Variants in EVI5 observed in about 807,000 individuals in gnomAD.
EVI5 encodes ecotropic viral integration site 5 protein homolog.
EVI5 carries 73 observed loss-of-function variants against 112.0 expected under a neutral mutation model. The observed-to-expected ratio is 0.65, with a 90% CI of 0.54 to 0.79. EVI5 has a LOEUF of 0.79. EVI5 is among the 30% of genes least tolerant of loss of function. The pLI, the probability that EVI5 is intolerant of heterozygous loss-of-function variation, is 0.00. For synonymous variants in EVI5, 305 were observed against 319.9 expected (o/e 0.95, Z 0.50); for missense variants, 900 against 968.8 (o/e 0.93, Z 0.94).
chr1:92,584,371 C>G (rs1557839086), intron 18 of EVI5, among the ~76,000 whole-genome samples: 1 of 151,958 alleles, frequency 6.6e-6, no homozygotes. Flanking sequence ...TTGATATTTT[C>G]AACGCACATA....
chr1:92,633,442 C>G (rs1299291189), intron 14 of EVI5, among the ~76,000 whole-genome samples: 1 of 152,126 alleles, frequency 6.6e-6, no homozygotes, highest in Non-Finnish European at 1.5e-5. Context: ...TTCTTTGTCT[C>G]TTTTGATCTT....
chr1:92,609,855 C>T (rs1007576310), intron 16 of EVI5, among the ~76,000 whole-genome samples: 2 of 150,100 alleles, frequency 1.3e-5, no homozygotes, highest in African/African-American at 4.9e-5. Flanking sequence ...ATACTCTAGT[C>T]GTTCTCATTC....
chr1:92,538,599 C>T (rs1465899400), intron 19 of EVI5, among the ~76,000 whole-genome samples: 1 of 152,094 alleles, frequency 6.6e-6, no homozygotes, highest in Non-Finnish European at 1.5e-5. Context: ...AGACAAATGA[C>T]AAGGCTCCTG....
intron 16 of EVI5, among the ~76,000 whole-genome samples, chr1:92,612,141 G>T (rs1447377696): frequency 6.6e-6 from 1 of 152,020 alleles, no homozygotes; most frequent in Non-Finnish European, 1.5e-5. Flanking sequence ...TGATGACTAA[G>T]TTTAGACTTT....
At chr1:92,783,808 CAAA>C (rs58484805) in intron 1 of EVI5, among the ~76,000 whole-genome samples, 6 of 94,264 alleles carry the variant, frequency 6.4e-5, no homozygotes, top group Admixed American at 2.3e-4. Flanking sequence ...GACTCCCTGT[CAAA>C]AAAAAAAAAA....
At chr1:92,773,541 C>G (rs1294108739) in intron 1 of EVI5, among the ~76,000 whole-genome samples, 1 of 152,014 alleles carries the variant, frequency 6.6e-6, no homozygotes, top group African/African-American at 2.4e-5. Context: ...ACTTAGAAAG[C>G]TGAGGCAGGA....
intron 18 of EVI5, among the ~76,000 whole-genome samples, chr1:92,573,784 T>C (rs534109003): frequency 6.6e-6 from 1 of 152,220 alleles, no homozygotes; most frequent in South Asian, 2.1e-4. Flanking sequence ...GCAGAAAATA[T>C]TATTTTAAAG....
At chr1:92,748,127 G>A (rs74736111) in intron 1 of EVI5, among the ~76,000 whole-genome samples, 30 of 152,250 alleles carry the variant, frequency 2.0e-4, no homozygotes, top group African/African-American at 6.7e-4. Context: ...TTCCCATAGA[G>A]TGGTGAAGTC....
chr1:92,590,040 C>T (rs181754626), intron 18 of EVI5, among the ~76,000 whole-genome samples: 5 of 152,316 alleles, frequency 3.3e-5, no homozygotes, highest in East Asian at 1.9e-4. Flanking sequence ...TCCAACAGAC[C>T]TGCAGCTAAC....
chr1:92,736,613 T>G lies in EVI5; in HGVS notation c.-67A>C. ...GAGTAGAGCTCAGCTTTTCTGCAACTTTGTCTGTCGCCACCTAAGGACAAA... is the reference window on the plus strand; with the variant it reads ...GAGTAGAGCTCAGCTTTTCTGCAACGTTGTCTGTCGCCACCTAAGGACAAA... On this transcript the variant is annotated 5_prime_UTR_variant, in exon 2 of 20. Coordinates refer to ENST00000684568, the MANE Select transcript of EVI5 (RefSeq NM_001350197.2). 1.2e-6 allele frequency: 2 copies of G among 1,613,618 alleles called. No homozygotes were observed. Among genetic ancestry groups the G allele is most frequent in the Non-Finnish European group, 1.7e-6 (2 of 1,179,548 alleles).
intron 1 of EVI5, among the ~76,000 whole-genome samples, chr1:92,781,953 TC>T (rs1306307056): frequency 2.3e-5 from 1 of 44,310 alleles, no homozygotes; most frequent in Admixed American, 3.5e-4. Flanking sequence ...AGATTCTGTC[TC>T]AAAAAAAAAA....
intron 19 of EVI5, among the ~76,000 whole-genome samples, chr1:92,549,832 T>C (rs1666477239): frequency 6.6e-6 from 1 of 152,086 alleles, no homozygotes; most frequent in Admixed American, 6.6e-5. Flanking sequence ...TGGTGATCAT[T>C]AAAAAGTCAG....
At chr1:92,668,513 T>G (rs1041391331) in intron 10 of EVI5, among the ~76,000 whole-genome samples, 3 of 152,212 alleles carry the variant, frequency 2.0e-5, no homozygotes, top group African/African-American at 7.2e-5. Context: ...ACTGAGTGAA[T>G]AAAGTTATGA....
At chr1:92,787,690 T>C (rs1021601697), upstream of EVI5, among the ~76,000 whole-genome samples, 2 of 151,044 alleles carry the variant, frequency 1.3e-5, no homozygotes, top group African/African-American at 4.9e-5. Flanking sequence ...AAGTGAGCCA[T>C]GATCGTGCCA....
At chr1:92,705,692 T>G (rs1671852972) in intron 2 of EVI5, among the ~76,000 whole-genome samples, 2 of 152,214 alleles carry the variant, frequency 1.3e-5, no homozygotes, top group African/African-American at 4.8e-5. Context: ...ACATTAAGTC[T>G]TTTATTTATA....
chr1:92,515,935 G>A (rs761061693), intron 19 of EVI5, among the ~76,000 whole-genome samples: 1 of 152,066 alleles, frequency 6.6e-6, no homozygotes, highest in South Asian at 2.1e-4. Context: ...TAGACCAAGT[G>A]GACAAATTTA....
intron 1 of EVI5, among the ~76,000 whole-genome samples, chr1:92,740,877 A>G (rs1180216524): frequency 6.6e-6 from 1 of 152,166 alleles, no homozygotes; most frequent in East Asian, 1.9e-4. Context: ...TTAGTACTGA[A>G]AGCCAGTATA....
intron 18 of EVI5, among the ~76,000 whole-genome samples, chr1:92,575,677 C>A (rs542820720): frequency 8.8e-5 from 13 of 147,348 alleles, no homozygotes; most frequent in Admixed American, 8.4e-4. Context: ...TCAAGCGATT[C>A]TCATGCCTCC....
intron 18 of EVI5, among the ~76,000 whole-genome samples, chr1:92,564,817 T>C (rs1441430936): frequency 6.6e-6 from 1 of 151,896 alleles, no homozygotes; most frequent in East Asian, 1.9e-4. Context: ...GTAGCTGGGA[T>C]TACAGGTGCC....
Sources: allele counts gnomAD v4.1 joint callset (sites outside exome capture counted in the v4.1 genomes callset), GRCh38; gene constraint gnomAD v4.1.1; transcripts MANE v1.5; gene names NCBI Gene and HGNC (gene_info 2026-07-23, HGNC 2026-07-21).